Variants in ABLIM1 observed in about 807,000 individuals in gnomAD.
The protein encoded by ABLIM1 is actin binding LIM protein 1.
A neutral mutation model predicts 107.0 loss-of-function variants in ABLIM1; 40 were observed. The ratio of observed to expected loss-of-function variants is 0.37; its 90% CI spans 0.29 to 0.49. The LOEUF (loss-of-function observed/expected upper bound fraction) is 0.49. Ranked by LOEUF, ABLIM1 falls within the 20% of genes least tolerant of loss-of-function variation. The pLI is 0.97. For missense variants in ABLIM1, 857 were observed against 1,008.5 expected (o/e 0.85, Z 2.04); for synonymous variants, 357 against 357.3 (o/e 1.00, Z 0.01).
Position 114,766,833 on chromosome 10 carries a change from A to T in ABLIM1, c.-213+1228T>A, listed in dbSNP as rs2142740349. On this transcript the variant is annotated intron_variant, in intron 1 of 15. Transcript: ENST00000651092. ...TACACACCAAGTCCCTTATGGTGTTATCTGTTCCATGCTCTTTTTTCGTTC... is the reference window on the plus strand; with the variant it reads ...TACACACCAAGTCCCTTATGGTGTTTTCTGTTCCATGCTCTTTTTTCGTTC... 2.0e-5 allele frequency among the ~76,000 whole-genome samples: 3 copies of T among 152,324 alleles called. No individual in the cohort carries two copies. In the Middle Eastern group the frequency reaches 0.01, roughly 518 times the overall value.
intron 1 of ABLIM1, among the ~76,000 whole-genome samples, chr10:114,676,863 G>A (rs1271814951): frequency 6.6e-6 from 1 of 152,138 alleles, no homozygotes; most frequent in African/African-American, 2.4e-5. Flanking sequence ...AGCCTCCTGA[G>A]TAGCTGGGAG....
chr10:114,780,349 C>T, the ABLIM1 span, among the ~76,000 whole-genome samples: 8 of 152,136 alleles, frequency 5.3e-5, no homozygotes, highest in Admixed American at 2.6e-4. Context: ...AGGCTTTTAT[C>T]GGTGACTCTT....
chr10:114,785,928 CGT>C, the ABLIM1 span, among the ~76,000 whole-genome samples: 1 of 152,142 alleles, frequency 6.6e-6, no homozygotes, highest in Non-Finnish European at 1.5e-5. Flanking sequence ...GAGGTTTCAC[CGT>C]GTTGGCCAGG....
intron 8 of ABLIM1, among the ~76,000 whole-genome samples, chr10:114,484,464 CCT>C (rs778419950): frequency 2.0e-5 from 3 of 152,092 alleles, no homozygotes; most frequent in Non-Finnish European, 4.4e-5. Context: ...CTCACTGCAA[CCT>C]CTGTCTCCAG....
At chr10:114,448,660 C>T (rs2061415897) in intron 14 of ABLIM1, among the ~76,000 whole-genome samples, 1 of 149,974 alleles carries the variant, frequency 6.7e-6, no homozygotes, top group South Asian at 2.1e-4. Context: ...GTCGCCCAGG[C>T]TGGAGTGCAG....
chr10:114,490,735 A>T (rs1464975634), intron 7 of ABLIM1, among the ~76,000 whole-genome samples: 4 of 140,516 alleles, frequency 2.8e-5, no homozygotes, highest in African/African-American at 1.2e-4. Flanking sequence ...AAAACTGATC[A>T]TATATATATA....
intron 12 of ABLIM1, among the ~76,000 whole-genome samples, chr10:114,463,326 C>A (rs929205115): frequency 2.6e-5 from 4 of 152,112 alleles, no homozygotes; most frequent in Admixed American, 2.0e-4. Flanking sequence ...TAAGAGTGCA[C>A]CTGCTAAGGC....
At chr10:114,480,320 T>A (rs17091929) in intron 8 of ABLIM1, among the ~76,000 whole-genome samples, 40,170 of 151,806 alleles carry the variant, frequency 0.26, 5,527 homozygotes, top group Middle Eastern at 0.31. Context: ...TAAAAAAAAA[T>A]TACTCTCTGG....
rs372419074 is a variant in ABLIM1 at position 114,631,810 on chromosome 10, C to T, written c.244+26147G>A. 9.6e-6 allele frequency: 12 copies of T among 1,254,174 alleles called. No individual in the cohort carries two copies. The East Asian group carries it at 4.9e-4, about 51-fold the overall frequency. 77.7% of individuals were successfully genotyped at this position (1,254,174 alleles called of 1,614,324 possible). On this transcript the variant is annotated intron_variant, in intron 1 of 22. Coordinates refer to ENST00000533213, the MANE Select transcript of ABLIM1 (RefSeq NM_002313.7). Reference sequence around the variant, plus strand: ...TCACACCGAGAACATGTCCGCCCGGCTTTCGATTGATCATTCCCCGTTAGG... The same window carrying T: ...TCACACCGAGAACATGTCCGCCCGGTTTTCGATTGATCATTCCCCGTTAGG...
At chr10:114,513,782 C>T (rs918851763) in intron 6 of ABLIM1, among the ~76,000 whole-genome samples, 10 of 152,158 alleles carry the variant, frequency 6.6e-5, no homozygotes, top group African/African-American at 9.7e-5. Flanking sequence ...TGAAAGGTGT[C>T]GATGCCAACA....
At chr10:114,554,261 G>A (rs972799443) in intron 4 of ABLIM1, among the ~76,000 whole-genome samples, 5 of 152,166 alleles carry the variant, frequency 3.3e-5, no homozygotes, top group African/African-American at 1.2e-4. Flanking sequence ...AGATAAGAAA[G>A]ACCAGCCTCA....
intron 1 of ABLIM1, among the ~76,000 whole-genome samples, chr10:114,672,500 C>T (rs1403834190): frequency 6.6e-6 from 1 of 152,082 alleles, no homozygotes; most frequent in Non-Finnish European, 1.5e-5. Flanking sequence ...CCACGCCTGG[C>T]CAGTTCTTTT....
chr10:114,599,787 A>G (rs1334168717), intron 2 of ABLIM1, among the ~76,000 whole-genome samples: 4 of 149,298 alleles, frequency 2.7e-5, no homozygotes, highest in African/African-American at 1.0e-4. Flanking sequence ...CTCCATCTCA[A>G]ATAAATAAAT....
intron 4 of ABLIM1, among the ~76,000 whole-genome samples, chr10:114,563,411 G>A (rs1031740439): frequency 3.3e-5 from 5 of 152,140 alleles, no homozygotes; most frequent in East Asian, 1.9e-4. Context: ...TTGTCTGTCC[G>A]TGAGTTTTCA....
chr10:114,657,475 T>C (rs1158791514), intron 1 of ABLIM1, among the ~76,000 whole-genome samples: 3 of 152,222 alleles, frequency 2.0e-5, no homozygotes, highest in African/African-American at 7.2e-5. Context: ...GTTCTCTCAA[T>C]ATTAAAACAC....
At chr10:114,659,304 G>A (rs1391156808), upstream of ABLIM1, among the ~76,000 whole-genome samples, 1 of 150,228 alleles carries the variant, frequency 6.7e-6, no homozygotes, top group East Asian at 2.0e-4. Flanking sequence ...AGGCCACTTC[G>A]AGACCAGCCC....
At chr10:114,797,814 G>T in the ABLIM1 span, among the ~76,000 whole-genome samples, 5,828 of 152,120 alleles carry the variant, frequency 0.038, 372 homozygotes, top group African/African-American at 0.13. Context: ...GGCTAAAGTG[G>T]GACAGGACAG....
chr10:114,432,668 G>A lies in ABLIM1; in HGVS notation c.*3592C>T, dbSNP rs1306002843. The A allele has an allele frequency of 6.6e-6, 1 of 152,204 alleles. No homozygotes were observed. Among genetic ancestry groups the A allele is most frequent in the Admixed American group, 6.5e-5 (1 of 15,278 alleles). The allele number at this position is 152,204 out of a possible 1,614,324, so 9.4% of individuals were successfully genotyped here. A position where few individuals can be genotyped will look rare whatever the true frequency, so the allele number is the denominator to read the frequency against. ...GATTGATATACTGGATTGGGATGGA[G>A]AGGATGAGAACTGAAAAAGAACTGC... On this transcript the variant is annotated 3_prime_UTR_variant, in exon 23 of 23. Coordinates refer to ENST00000533213, the MANE Select transcript of ABLIM1 (RefSeq NM_002313.7).
At chr10:114,537,543 G>T (rs2066174470) in intron 6 of ABLIM1, among the ~76,000 whole-genome samples, 1 of 152,164 alleles carries the variant, frequency 6.6e-6, no homozygotes, top group Admixed American at 6.5e-5. Flanking sequence ...ACACCAATTA[G>T]ATCCAGAGTC....
Sources: gnomAD v4.1 joint callset for allele counts (sites outside exome capture counted in the v4.1 genomes callset) on GRCh38, gnomAD v4.1.1 for gene constraint, MANE v1.5 for transcripts, NCBI Gene and HGNC (gene_info 2026-07-23, HGNC 2026-07-21) for gene names.